Variants in PALM2AKAP2 observed in about 807,000 individuals in gnomAD.
PALM2AKAP2 encodes PALM2-AKAP2 fusion protein.
PALM2AKAP2 carries 37 observed loss-of-function variants against 71.5 expected under a neutral mutation model. The observed-to-expected ratio is 0.52, with a 90% CI of 0.40 to 0.68. PALM2AKAP2 has a LOEUF of 0.68. Among genes scored for constraint, PALM2AKAP2 ranks in the 30% least tolerant of loss-of-function variants. The pLI, the probability that PALM2AKAP2 is intolerant of heterozygous loss-of-function variation, is 0.00. For missense variants in PALM2AKAP2, 1,224 were observed against 1,191.8 expected (o/e 1.03, Z -0.40); for synonymous variants, 468 against 478.8 (o/e 0.98, Z 0.29).
At chr9:110,118,178 A>G (rs557793327) in intron 1 of PALM2AKAP2, among the ~76,000 whole-genome samples, 1 of 143,236 alleles carries the variant, frequency 7.0e-6, no homozygotes, top group East Asian at 2.1e-4. Context: ...TATATTATAT[A>G]TATATATTCC....
At chr9:110,014,879 T>C (rs1832953118) in intron 6 of PALM2AKAP2, among the ~76,000 whole-genome samples, 1 of 138,480 alleles carries the variant, frequency 7.2e-6, no homozygotes, top group East Asian at 2.2e-4. Context: ...TCTTGCCATT[T>C]CTTCAAACTT....
At chr9:109,758,599 A>AT (rs1205263331) in intron 1 of PALM2AKAP2, among the ~76,000 whole-genome samples, 1 of 137,054 alleles carries the variant, frequency 7.3e-6, no homozygotes, top group Non-Finnish European at 1.6e-5. Context: ...TATTTGTATT[A>AT]TTTTTTGCAG....
At chr9:109,771,751 T>C (rs1457832109) in intron 1 of PALM2AKAP2, among the ~76,000 whole-genome samples, 1 of 152,038 alleles carries the variant, frequency 6.6e-6, no homozygotes, top group Non-Finnish European at 1.5e-5. Context: ...GGAGGAAAGA[T>C]GATAACTGAG....
chr9:109,687,968 C>G (rs1329230279), intron 1 of PALM2AKAP2, among the ~76,000 whole-genome samples: 1 of 152,206 alleles, frequency 6.6e-6, no homozygotes, highest in Non-Finnish European at 1.5e-5. Context: ...GGGAGAGAGA[C>G]AAAGGAATGG....
chr9:110,008,140 T>C (rs75892846), intron 6 of PALM2AKAP2, among the ~76,000 whole-genome samples: 2,816 of 152,266 alleles, frequency 0.018, 96 homozygotes, highest in African/African-American at 0.065. Flanking sequence ...GGGAATAAAG[T>C]GTTCTGGTTT....
chr9:109,792,285 T>C, intron 1 of PALM2AKAP2, among the ~76,000 whole-genome samples: 1 of 152,070 alleles, frequency 6.6e-6, no homozygotes, highest in Non-Finnish European at 1.5e-5. Flanking sequence ...AAGAGAAAAA[T>C]AGACTTATTA....
At chr9:109,934,715 G>A (rs1588019180) in intron 6 of PALM2AKAP2, among the ~76,000 whole-genome samples, 1 of 152,196 alleles carries the variant, frequency 6.6e-6, no homozygotes, top group Admixed American at 6.5e-5. Flanking sequence ...AGGCCTCAAA[G>A]TCATTTCATG....
intron 6 of PALM2AKAP2, among the ~76,000 whole-genome samples, chr9:109,998,182 G>A (rs10980138): frequency 0.15 from 23,088 of 152,194 alleles, 2,226 homozygotes; most frequent in Middle Eastern, 0.24. Flanking sequence ...ATAAAATGGG[G>A]TTGATATGAT....
chr9:109,792,976 A>G (rs1490285429), intron 1 of PALM2AKAP2, among the ~76,000 whole-genome samples: 1 of 152,122 alleles, frequency 6.6e-6, no homozygotes, highest in Non-Finnish European at 1.5e-5. Flanking sequence ...TTCAAAACCT[A>G]CTTTCTCTGT....
chr9:109,770,023 G>T (rs1400586427), intron 1 of PALM2AKAP2, among the ~76,000 whole-genome samples: 2 of 152,044 alleles, frequency 1.3e-5, no homozygotes, highest in African/African-American at 4.8e-5. Context: ...CCCAGAGAGG[G>T]GATTCCTTGG....
chr9:109,730,501 T>C (rs147773633), intron 1 of PALM2AKAP2, among the ~76,000 whole-genome samples: 6 of 152,280 alleles, frequency 3.9e-5, no homozygotes, highest in East Asian at 3.9e-4. Flanking sequence ...GATTCAAGGA[T>C]TGGTCAGGAA....
Position 109,826,922 on chromosome 9 carries a change from T to A in PALM2AKAP2, c.46-40569T>A, listed in dbSNP as rs1421272931. On this transcript the variant is annotated intron_variant, in intron 1 of 9. Coordinates refer to the PALM2AKAP2 transcript ENST00000302798. ...TCAGAATACTGCCTTCTCAAAGATATGGTTCTCCTGATTGATTATGAAATG... is the reference window on the plus strand; with the variant it reads ...TCAGAATACTGCCTTCTCAAAGATAAGGTTCTCCTGATTGATTATGAAATG... 2.6e-5 allele frequency among the ~76,000 whole-genome samples: 4 copies of A among 152,200 alleles called. No homozygotes were observed. The South Asian group carries it at 8.3e-4, about 32-fold the overall frequency.
At chr9:109,859,364 C>T (rs1289451285) in intron 1 of PALM2AKAP2, among the ~76,000 whole-genome samples, 1 of 152,194 alleles carries the variant, frequency 6.6e-6, no homozygotes, top group East Asian at 1.9e-4. Flanking sequence ...TTGGATAGCA[C>T]AGTAAGGTGA....
At chr9:109,862,117 T>C (rs1441670199) in intron 1 of PALM2AKAP2, among the ~76,000 whole-genome samples, 1 of 152,104 alleles carries the variant, frequency 6.6e-6, no homozygotes, top group African/African-American at 2.4e-5. Context: ...GTGCTTGAGG[T>C]CTAATGTAGA....
chr9:110,156,687 T>C (rs1836466132), intron 3 of PALM2AKAP2, among the ~76,000 whole-genome samples, 190 bp downstream of exon 9: 1 of 152,068 alleles, frequency 6.6e-6, no homozygotes, highest in Non-Finnish European at 1.5e-5. Context: ...CAAAAAAAAA[T>C]TGTTGATCTT....
chr9:109,908,808 G>GCGCACACACA (rs1454551204), intron 3 of PALM2AKAP2, among the ~76,000 whole-genome samples: 39 of 150,228 alleles, frequency 2.6e-4, no homozygotes, highest in Admixed American at 4.6e-4. Context: ...GGATGCGTGT[G>GCGCACACACA]CACACACACA....
At chr9:109,988,583 A>AG (rs138674428) in intron 6 of PALM2AKAP2, among the ~76,000 whole-genome samples, 2 of 73,500 alleles carry the variant, frequency 2.7e-5, no homozygotes, top group Non-Finnish European at 4.2e-5. Context: ...AGGAAGGAAA[A>AG]AAGGAAGAAA....
At chr9:109,802,837 G>T (rs1254611650) in intron 1 of PALM2AKAP2, among the ~76,000 whole-genome samples, 2 of 152,222 alleles carry the variant, frequency 1.3e-5, no homozygotes, top group Non-Finnish European at 2.9e-5. Flanking sequence ...CGTAAATTTA[G>T]ATGGATCATT....
intron 7 of PALM2AKAP2, among the ~76,000 whole-genome samples, chr9:110,023,041 G>C (rs1279738225): frequency 6.6e-6 from 1 of 151,912 alleles, no homozygotes; most frequent in Non-Finnish European, 1.5e-5. Flanking sequence ...ATAAACATAC[G>C]TGTGCATGTG....
Sources: allele counts gnomAD v4.1 joint callset (sites outside exome capture counted in the v4.1 genomes callset), GRCh38; gene constraint gnomAD v4.1.1; transcripts MANE v1.5; gene names NCBI Gene and HGNC (gene_info 2026-07-23, HGNC 2026-07-21).